RDH16: variants seen among roughly 807,000 people sequenced by gnomAD.
The protein encoded by RDH16 is retinol dehydrogenase 16.
In RDH16, 25 loss-of-function variants were observed where a neutral mutation model predicts 22.3. That is an observed-to-expected ratio of 1.12 (90% CI 0.82 to 1.56). RDH16 has a LOEUF of 1.56. RDH16 is among the 40% of genes most tolerant of loss of function. The pLI, the probability that RDH16 is intolerant of heterozygous loss-of-function variation, is 0.00. For synonymous variants in RDH16, 154 were observed against 164.4 expected, an observed-to-expected ratio of 0.94 and a Z score of 0.48; for missense variants, 413 against 394.9, an observed-to-expected ratio of 1.05 and a Z score of -0.39.
Position 56,955,185 on chromosome 12 carries a change from G to C in RDH16, c.314-21C>G, listed in dbSNP as rs756136985. ...GAGTCCTGGGACAGTGGGAAGATGA[G>C]AGAGCATCACTGTGTTGTGCCTGTG... On this transcript the variant is annotated intron_variant, in intron 1 of 3. Coordinates refer to ENST00000398138, the MANE Select transcript of RDH16 (RefSeq NM_003708.5). 9.9e-6 allele frequency: 16 copies of C among 1,613,358 alleles called. 1 individual carries two copies. In the African/African-American group the frequency reaches 1.6e-4, roughly 16 times the overall value.
chr12:56,953,882 T>G (rs1955904415), intron 2 of RDH16, among the ~76,000 whole-genome samples: 1 of 152,206 alleles, frequency 6.6e-6, no homozygotes, highest in Admixed American at 6.5e-5. Flanking sequence ...TGATTCTATA[T>G]CTCTTGTCCC....
In RDH16 at chr12:56,952,221, C is replaced by T. The variant is rs1955888050; in HGVS notation, c.762G>A (p.Glu254=). 3 of 1,614,122 alleles carry T rather than the reference C, an allele frequency of 1.9e-6. No homozygotes were observed. Among genetic ancestry groups the T allele is most frequent in the East Asian group, 2.2e-5 (1 of 44,884 alleles). ...ACGACAGATCCTGTGTGCACTTCTG[C>T]TCCATTTGTTCAGCTGATTTCTTAT... ...ADYKKSAEQM[E]QKCTQDLSLV... The change falls in exon 4 of 4, where the codon GAG becomes GAA. Residue 254 remains glutamate (E), a synonymous_variant. Coordinates refer to ENST00000398138, the MANE Select transcript of RDH16 (RefSeq NM_003708.5).
chr12:56,955,280 G>T, intron 1 of RDH16, 116 bp from the exon 2 acceptor site: 2 of 1,277,614 alleles, frequency 1.6e-6, no homozygotes, highest in Non-Finnish European at 2.2e-6. Context: ...TGTGGGATGG[G>T]GAGGAGGGTA....
At chr12:56,954,788 CAG>C (rs1955911435) in intron 2 of RDH16, 116 bp downstream of exon 2, 1 of 1,087,030 alleles carries the variant, frequency 9.2e-7, no homozygotes, top group East Asian at 2.5e-5. Flanking sequence ...CACATGAAGA[CAG>C]AGAGTGATCT....
chr12:56,952,031 A>G lies in RDH16; in HGVS notation c.952T>C (p.Ter318ArgextTer2), dbSNP rs779115746. The part of the protein sequence containing the change: ...WVSPSPAKAL[*>R] ...CAACCATGCATCCAACCTTAGCTTC[A>G]TAGAGCCTTGGCCGGGCTTGGAGAG... is the stretch of plus-strand genomic sequence containing the variant. Residue 318 changes from the stop codon to arginine (R), a stop_lost, in exon 4 of 4, where the codon TGA (stop) becomes CGA (arginine). Coordinates refer to ENST00000398138, the MANE Select transcript of RDH16 (RefSeq NM_003708.5). 16 of 1,613,816 alleles carry G rather than the reference A, an allele frequency of 9.9e-6. 1 individual carries two copies. Among genetic ancestry groups the G allele is most frequent in the Middle Eastern group, 1.6e-4 (1 of 6,062 alleles).
chr12:56,951,661 C>T lies in RDH16; in HGVS notation c.*368G>A, dbSNP rs981540827. 25 of 273,134 alleles carry T rather than the reference C, an allele frequency of 9.2e-5. No homozygotes were observed. Among genetic ancestry groups the T allele is most frequent in the African/African-American group, 4.9e-4 (23 of 46,548 alleles). The allele number at this position is 273,134 out of a possible 1,614,324, so 16.9% of individuals were successfully genotyped here. On this transcript the variant is annotated 3_prime_UTR_variant, in exon 4 of 4. Coordinates refer to ENST00000398138, the MANE Select transcript of RDH16 (RefSeq NM_003708.5). Reference sequence around the variant, plus strand: ...AGACTGGCCCAGAATTAACACACAGCCTGATAAGGAAGCAGGAGGTAATGG... The same window carrying T: ...AGACTGGCCCAGAATTAACACACAGTCTGATAAGGAAGCAGGAGGTAATGG...
chr12:56,956,506 TCC>T (rs1955929832), intron 1 of RDH16, among the ~76,000 whole-genome samples: 1 of 152,192 alleles, frequency 6.6e-6, no homozygotes, highest in Non-Finnish European at 1.5e-5. Flanking sequence ...TTCAGTGTTT[TCC>T]ACAAAGATCA....
Position 56,957,405 on chromosome 12 carries a change from C to G in RDH16, c.58G>C (p.Glu20Gln), listed in dbSNP as rs1256468873. ...CTCAGGTGGCTCAGCACCTGCCTCT[C>G]CCGGTACCAGTGCAGAAGGTAGTAC... is the stretch of plus-strand genomic sequence containing the variant. ...GLYYLLHWYR[E>Q]RQVLSHLRDK... The change falls in exon 1 of 4, where the codon GAG (glutamate) becomes CAG (glutamine). Residue 20 changes from glutamate to glutamine, a missense_variant. Coordinates refer to ENST00000398138, the MANE Select transcript of RDH16 (RefSeq NM_003708.5). The G allele has an allele frequency of 6.2e-7, 1 of 1,614,038 alleles. No individual in the cohort carries two copies. Among genetic ancestry groups the G allele is most frequent in the African/African-American group, 1.3e-5 (1 of 74,914 alleles).
At chr12:56,952,726 G>A (rs1955893017) in intron 3 of RDH16, 101 bp downstream of exon 3, 6 of 1,402,290 alleles carry the variant, frequency 4.3e-6, no homozygotes, top group Non-Finnish European at 5.8e-6. Flanking sequence ...GGGGAAGGGA[G>A]AGCCTGGGGA....
intron 2 of RDH16, among the ~76,000 whole-genome samples, chr12:56,954,046 G>T (rs780853910): frequency 6.6e-5 from 10 of 152,188 alleles, no homozygotes; most frequent in Non-Finnish European, 1.3e-4. Flanking sequence ...TGCTGGGAAA[G>T]ACCATCTCCT....
At position 56,955,122 on chromosome 12, in the gene RDH16, G is replaced by T. The variant is rs761232991; in HGVS notation, c.356C>A (p.Thr119Lys). The change falls in exon 2 of 4, where the codon ACG becomes AAG. Residue 119 changes from threonine (T) to lysine (K), a missense_variant. Coordinates refer to ENST00000398138, the MANE Select transcript of RDH16 (RefSeq NM_003708.5). ...LVNNAGISLP[T>K]APNELLTKQD... ...CTTGGTGAGCAACTCATTGGGAGCC[G>T]TGGGCAAGGAGATGCCAGCATTATT... The T allele has an allele frequency of 1.9e-6, 3 of 1,614,112 alleles. No individual in the cohort carries two copies. The highest frequency in any genetic ancestry group is 1.1e-5 in the South Asian group (1 of 91,066).
Position 56,957,554 on chromosome 12 carries a change from T to A in RDH16, c.-92A>T. 7.0e-7 allele frequency: 1 copy of A among 1,420,044 alleles called. No individual in the cohort carries two copies. Among genetic ancestry groups the A allele is most frequent in the Non-Finnish European group, 9.6e-7 (1 of 1,045,642 alleles). The allele number at this position is 1,420,044 out of a possible 1,614,324, so 88.0% of individuals were successfully genotyped here. A position where few individuals can be genotyped will look rare whatever the true frequency, so the allele number is the denominator to read the frequency against. On this transcript the variant is annotated 5_prime_UTR_variant, in exon 1 of 4. Coordinates refer to ENST00000398138, the MANE Select transcript of RDH16 (RefSeq NM_003708.5). Reference sequence around the variant, plus strand: ...GAGGATTTAAGAACACAGAGGGCTGTGGTAGGCAGGGAAGCCCTCAGGCAT... The same window carrying A: ...GAGGATTTAAGAACACAGAGGGCTGAGGTAGGCAGGGAAGCCCTCAGGCAT...
intron 1 of RDH16, 34 bp from the exon 2 acceptor site, chr12:56,955,198 T>C (rs1351838625): frequency 1.2e-6 from 2 of 1,611,604 alleles, no homozygotes; most frequent in South Asian, 2.2e-5. Flanking sequence ...AGCATCACTG[T>C]GTTGTGCCTG....
In RDH16 at chr12:56,955,121, C is replaced by T. The variant is rs190857591; in HGVS notation, c.357G>A (p.Thr119=). 1.3e-4 allele frequency: 206 copies of T among 1,614,068 alleles called. 1 individual carries two copies. The East Asian group carries it at 3.8e-3, about 30-fold the overall frequency. Residue 119 remains threonine, a synonymous_variant, in exon 2 of 4, where the codon ACG becomes ACA. Coordinates refer to ENST00000398138, the MANE Select transcript of RDH16 (RefSeq NM_003708.5). ...LVNNAGISLP[T]APNELLTKQD... Reference sequence around the variant, plus strand: ...GCTTGGTGAGCAACTCATTGGGAGCCGTGGGCAAGGAGATGCCAGCATTAT... The same window carrying T: ...GCTTGGTGAGCAACTCATTGGGAGCTGTGGGCAAGGAGATGCCAGCATTAT...
Position 56,955,030 on chromosome 12 carries a change from G to T in RDH16, c.448C>A (p.Pro150Thr), listed in dbSNP as rs1210806383. The change falls in exon 2 of 4, where the codon CCC (proline) becomes ACC (threonine). Residue 150 changes from proline (P) to threonine (T), a missense_variant. By Grantham distance (38) the Pro-to-Thr change is conservative. Coordinates refer to ENST00000398138, the MANE Select transcript of RDH16 (RefSeq NM_003708.5). ...GVIDVTLSLL[P>T]LVRRARGRVV... The stretch of plus-strand genomic sequence containing the variant: ...CGGCCCCTGGCCCTCCTCACTAAGG[G>T]CAGCAGGCTCAGAGTCACATCAATC... The T allele has an allele frequency of 6.2e-7, 1 of 1,614,044 alleles. No homozygotes were observed. Among genetic ancestry groups the T allele is most frequent in the African/African-American group, 1.3e-5 (1 of 74,916 alleles).
At chr12:56,955,259 A>G in intron 1 of RDH16, 95 bp from the exon 2 acceptor site, 1 of 1,442,152 alleles carries the variant, frequency 6.9e-7, no homozygotes, top group Non-Finnish European at 9.4e-7. Context: ...AAGTGAGGGC[A>G]GACTGACAGG....
chr12:56,957,375 T>TA lies in RDH16; in HGVS notation c.87dup (p.Lys30Ter). The TA allele has an allele frequency of 6.2e-7, 1 of 1,614,094 alleles. No homozygotes were observed. The highest frequency in any genetic ancestry group is 2.2e-5 in the East Asian group (1 of 44,878). On this transcript the variant is annotated frameshift_variant, in exon 1 of 4. Transcript: ENST00000398138. LOFTEE classifies it high-confidence loss of function. ...TCACAGCCCGTGATGAACACATACTTATCTCTCAGGTGGCTCAGCACCTGC... is the reference window on the plus strand; with the variant it reads ...TCACAGCCCGTGATGAACACATACTTAATCTCTCAGGTGGCTCAGCACCTGC...
At chr12:56,956,361 A>G (rs1955929117) in intron 1 of RDH16, among the ~76,000 whole-genome samples, 2 of 152,244 alleles carry the variant, frequency 1.3e-5, no homozygotes, top group Admixed American at 1.3e-4. Flanking sequence ...ATGGTGGAAA[A>G]GTGTTCATCT....
Position 56,954,905 on chromosome 12 carries a change from C to T in RDH16, c.572+1G>A, listed in dbSNP as rs762011844. On this transcript the variant is annotated splice_donor_variant, in intron 2 of 3. Coordinates refer to ENST00000398138, the MANE Select transcript of RDH16 (RefSeq NM_003708.5). LOFTEE classifies it high-confidence loss of function. ...GGGTGGGCCCCATCCCAGACCCATA[C>T]CTGAGGGAGTCAGAGAAGGCTTCCA... is the stretch of plus-strand genomic sequence containing the variant. 3 of 1,614,116 alleles carry T rather than the reference C, an allele frequency of 1.9e-6. No individual in the cohort carries two copies. Among genetic ancestry groups the T allele is most frequent in the Non-Finnish European group, 2.5e-6 (3 of 1,180,002 alleles).
Sources: gnomAD v4.1 joint callset for allele counts (sites outside exome capture counted in the v4.1 genomes callset) on GRCh38, gnomAD v4.1.1 for gene constraint, MANE v1.5 for transcripts, NCBI Gene and HGNC (gene_info 2026-07-23, HGNC 2026-07-21) for gene names.